DLG2: variants seen among roughly 807,000 people sequenced by gnomAD.
DLG2 encodes the protein discs large MAGUK scaffold protein 2, also known as disks large homolog 2.
A neutral mutation model predicts 132.5 loss-of-function variants in DLG2; 45 were observed. The observed-to-expected ratio is 0.34, with a 90% CI of 0.27 to 0.44. DLG2 has a LOEUF of 0.44. Among genes scored for constraint, DLG2 ranks in the 20% least tolerant of loss-of-function variants. DLG2 has a pLI of 1.00. For synonymous variants in DLG2, 424 were observed against 419.6 expected (o/e 1.01, Z -0.13); for missense variants, 1,045 against 1,196.9 (o/e 0.87, Z 1.87).
chr11:84,907,242 G>A (rs561002298), intron 6 of DLG2, among the ~76,000 whole-genome samples: 6 of 152,260 alleles, frequency 3.9e-5, no homozygotes, highest in South Asian at 2.1e-4. Context: ...GACTAACTGG[G>A]AGATTAAGAA....
At chr11:83,540,835 C>G (rs1341304596) in intron 20 of DLG2, among the ~76,000 whole-genome samples, 1 of 152,128 alleles carries the variant, frequency 6.6e-6, no homozygotes, top group Admixed American at 6.6e-5. Context: ...TAATTCCTGA[C>G]TGATTTTGTA....
At chr11:84,193,437 T>G (rs377402723) in intron 8 of DLG2, among the ~76,000 whole-genome samples, 1 of 152,192 alleles carries the variant, frequency 6.6e-6, no homozygotes, top group African/African-American at 2.4e-5. Flanking sequence ...CAGTAAGGGT[T>G]AAATGAGTCA....
At chr11:84,990,257 T>C (rs1307985465) in intron 6 of DLG2, among the ~76,000 whole-genome samples, 1 of 152,238 alleles carries the variant, frequency 6.6e-6, no homozygotes, top group African/African-American at 2.4e-5. Flanking sequence ...CATCATCTGC[T>C]ATGCTTTGAA....
At chr11:85,363,271 C>T (rs963729036) in intron 3 of DLG2, among the ~76,000 whole-genome samples, 1 of 152,148 alleles carries the variant, frequency 6.6e-6, no homozygotes, top group Non-Finnish European at 1.5e-5. Flanking sequence ...TGCCTCTGTG[C>T]GTAATCTTCT....
At chr11:84,377,694 T>C (rs546233363) in intron 7 of DLG2, among the ~76,000 whole-genome samples, 1 of 152,196 alleles carries the variant, frequency 6.6e-6, no homozygotes, top group South Asian at 2.1e-4. Context: ...TATTGACTTC[T>C]ATATCACAAA....
chr11:85,387,900 T>A (rs771652692), intron 3 of DLG2, among the ~76,000 whole-genome samples: 10 of 152,140 alleles, frequency 6.6e-5, no homozygotes, highest in Admixed American at 2.0e-4. Context: ...TGAACTTTTC[T>A]CCAAGAACTA....
At chr11:84,691,242 T>C (rs1472169475) in intron 6 of DLG2, among the ~76,000 whole-genome samples, 4 of 151,834 alleles carry the variant, frequency 2.6e-5, no homozygotes, top group Non-Finnish European at 5.9e-5. Context: ...AGTAGGAACA[T>C]ATCATCTCCT....
chr11:84,899,737 A>T (rs546448766), intron 6 of DLG2, among the ~76,000 whole-genome samples: 1 of 152,094 alleles, frequency 6.6e-6, no homozygotes, highest in Admixed American at 6.6e-5. Context: ...ATACATTTAC[A>T]TAAAGAATTG....
intron 3 of DLG2, among the ~76,000 whole-genome samples, chr11:85,418,451 A>G (rs2090039902): frequency 1.3e-5 from 2 of 152,168 alleles, no homozygotes; most frequent in African/African-American, 4.8e-5. Flanking sequence ...TTAGATGTCT[A>G]TTAGGTCTGC....
intron 6 of DLG2, among the ~76,000 whole-genome samples, chr11:85,105,580 G>A (rs988361505): frequency 3.3e-5 from 5 of 151,742 alleles, no homozygotes; most frequent in African/African-American, 1.2e-4. Context: ...GCTACCACCC[G>A]TATGGCCAAA....
chr11:84,479,946 G>T (rs546568723), intron 7 of DLG2, among the ~76,000 whole-genome samples: 2 of 152,204 alleles, frequency 1.3e-5, no homozygotes, highest in East Asian at 3.9e-4. Flanking sequence ...ACATTAGTTT[G>T]CTGTTAAAAT....
At chr11:85,049,143 A>C (rs1206173768) in intron 6 of DLG2, among the ~76,000 whole-genome samples, 1 of 152,054 alleles carries the variant, frequency 6.6e-6, no homozygotes, top group Non-Finnish European at 1.5e-5. Context: ...ATAAAAACTC[A>C]GCACGTATGT....
intron 7 of DLG2, among the ~76,000 whole-genome samples, chr11:84,258,186 AC>A (rs1196504284): frequency 6.6e-6 from 1 of 152,184 alleles, no homozygotes; most frequent in Non-Finnish European, 1.5e-5. Flanking sequence ...ACCCAGGCTG[AC>A]TGATTCAGGC....
chr11:83,462,929 C>T (rs1015172536), intron 26 of DLG2, among the ~76,000 whole-genome samples: 7 of 151,920 alleles, frequency 4.6e-5, no homozygotes, highest in African/African-American at 7.3e-5. Context: ...TTTATCTTTC[C>T]GGGTCTTCCA....
intron 4 of DLG2, among the ~76,000 whole-genome samples, chr11:85,275,921 A>AC (rs78023323): frequency 0.051 from 7,807 of 151,812 alleles, 243 homozygotes; most frequent in Middle Eastern, 0.095. Flanking sequence ...GAAAAAAAAA[A>AC]ATGCTTACTG....
intron 19 of DLG2, among the ~76,000 whole-genome samples, chr11:83,543,059 A>T (rs572006054): frequency 6.6e-6 from 1 of 152,288 alleles, no homozygotes; most frequent in South Asian, 2.1e-4. Context: ...CATGGCAACA[A>T]GAAAGAGCTG....
At chr11:83,504,490 G>A (rs2094594796) in intron 21 of DLG2, among the ~76,000 whole-genome samples, 1 of 152,168 alleles carries the variant, frequency 6.6e-6, no homozygotes, top group African/African-American at 2.4e-5. Context: ...AGTCACCCCA[G>A]CCAACACTGT....
chr11:83,835,712 G>A (rs1191234201), intron 16 of DLG2, among the ~76,000 whole-genome samples: 4 of 152,204 alleles, frequency 2.6e-5, no homozygotes, highest in Non-Finnish European at 4.4e-5. Flanking sequence ...TGTAGGTCAG[G>A]AGTCTGGGTG....
chr11:85,216,732 TG>T (rs1350474446), intron 4 of DLG2, among the ~76,000 whole-genome samples: 2 of 152,056 alleles, frequency 1.3e-5, no homozygotes, highest in Non-Finnish European at 2.9e-5. Flanking sequence ...AGTCTCACTC[TG>T]TCACCCAGGC....
Sources: gnomAD v4.1 joint callset for allele counts (sites outside exome capture counted in the v4.1 genomes callset) on GRCh38, gnomAD v4.1.1 for gene constraint, MANE v1.5 for transcripts, NCBI Gene and HGNC (gene_info 2026-07-23, HGNC 2026-07-21) for gene names.